Variants in UPP2 observed in about 807,000 individuals in gnomAD.
UPP2 encodes the protein UPase 2.
In UPP2, 23 loss-of-function variants were observed where a neutral mutation model predicts 26.7. That is an observed-to-expected ratio of 0.86 (90% CI 0.62 to 1.22). The LOEUF (loss-of-function observed/expected upper bound fraction) is 1.22. UPP2 is among the 50% of genes most tolerant of loss of function. The pLI is 0.00. For synonymous variants in UPP2, 127 were observed against 141.3 expected (o/e 0.90, Z 0.72); for missense variants, 387 against 396.7 (o/e 0.98, Z 0.21).
chr2:158,103,485 T>C (rs1166270482), intron 1 of UPP2, among the ~76,000 whole-genome samples: 2 of 152,148 alleles, frequency 1.3e-5, no homozygotes. Context: ...GGATAAGTAC[T>C]CTTTAAAGTG....
chr2:158,057,059 A>G (rs188207365), intron 3 of UPP2, among the ~76,000 whole-genome samples: 1 of 152,108 alleles, frequency 6.6e-6, no homozygotes, highest in African/African-American at 2.4e-5. Flanking sequence ...TTATGATAAC[A>G]CTAGGGTTAT....
chr2:158,133,859 A>T (rs1199696536), intron 6 of UPP2: 1 of 152,208 alleles, frequency 6.6e-6, no homozygotes, highest in African/African-American at 2.4e-5. Flanking sequence ...AATGATGCAG[A>T]TTCAGATGGA....
At chr2:158,012,448 A>C (rs537131574) in intron 2 of UPP2, among the ~76,000 whole-genome samples, 33 of 151,818 alleles carry the variant, frequency 2.2e-4, no homozygotes, top group African/African-American at 8.0e-4. Context: ...TTGTATTTTT[A>C]GTAGAGACGG....
chr2:158,021,587 A>T (rs16842434), intron 3 of UPP2, among the ~76,000 whole-genome samples: 5,466 of 152,298 alleles, frequency 0.036, 330 homozygotes, highest in African/African-American at 0.12. Flanking sequence ...CCTTCCTTTG[A>T]GATTTTAATT....
At chr2:158,094,496 C>T (rs1465256315) in intron 3 of UPP2, among the ~76,000 whole-genome samples, 1 of 152,088 alleles carries the variant, frequency 6.6e-6, no homozygotes, top group African/African-American at 2.4e-5. Flanking sequence ...TCATGACATG[C>T]CTAAGGTGAA....
chr2:158,046,563 T>C (rs1008748391), intron 3 of UPP2, among the ~76,000 whole-genome samples: 1 of 152,130 alleles, frequency 6.6e-6, no homozygotes, highest in African/African-American at 2.4e-5. Flanking sequence ...CATCTAAAGG[T>C]AGATAAATTA....
At chr2:158,117,211 T>A (rs763390757) in intron 3 of UPP2, among the ~76,000 whole-genome samples, 1 of 151,848 alleles carries the variant, frequency 6.6e-6, no homozygotes, top group African/African-American at 2.4e-5. Flanking sequence ...TCTGGTGACA[T>A]TGATTCCACT....
intron 2 of UPP2, among the ~76,000 whole-genome samples, chr2:158,111,112 GT>G (rs755026546): frequency 6.6e-6 from 1 of 152,162 alleles, no homozygotes; most frequent in Non-Finnish European, 1.5e-5. Flanking sequence ...TATTGCCTAG[GT>G]TTTCTTCTAG....
At chr2:158,046,533 C>G (rs554351821) in intron 3 of UPP2, among the ~76,000 whole-genome samples, 2 of 152,250 alleles carry the variant, frequency 1.3e-5, no homozygotes, top group African/African-American at 4.8e-5. Context: ...GAGCTACACA[C>G]AAAAGAACTT....
intron 2 of UPP2, among the ~76,000 whole-genome samples, chr2:158,005,564 T>G (rs1182093568): frequency 6.6e-6 from 1 of 152,220 alleles, no homozygotes; most frequent in African/African-American, 2.4e-5. Flanking sequence ...TAAGGCTCTT[T>G]GGAGGCAGAA....
At chr2:158,090,747 T>G (rs907889704) in intron 3 of UPP2, among the ~76,000 whole-genome samples, 1 of 152,166 alleles carries the variant, frequency 6.6e-6, no homozygotes, top group Non-Finnish European at 1.5e-5. Flanking sequence ...GGGTTAGCTT[T>G]AAGGAATAAA....
At chr2:158,055,927 T>C (rs1682238943) in intron 3 of UPP2, among the ~76,000 whole-genome samples, 1 of 152,146 alleles carries the variant, frequency 6.6e-6, no homozygotes, top group African/African-American at 2.4e-5. Flanking sequence ...TTACCCTACA[T>C]CCCTGGCACA....
At chr2:158,036,978 G>A (rs1244300938) in intron 3 of UPP2, among the ~76,000 whole-genome samples, 3 of 152,112 alleles carry the variant, frequency 2.0e-5, no homozygotes, top group African/African-American at 7.2e-5. Flanking sequence ...GTATGGGGCT[G>A]GGAAAGTTTC....
intron 2 of UPP2, among the ~76,000 whole-genome samples, chr2:158,112,168 A>G (rs1478421059): frequency 6.6e-6 from 1 of 152,160 alleles, no homozygotes; most frequent in Non-Finnish European, 1.5e-5. Flanking sequence ...TACAAAGGAG[A>G]AAAAAGTTGG....
chr2:158,033,546 T>C (rs1004484850), intron 3 of UPP2, among the ~76,000 whole-genome samples: 1 of 152,170 alleles, frequency 6.6e-6, no homozygotes, highest in African/African-American at 2.4e-5. Flanking sequence ...ACTCCTCCTC[T>C]TTCCTGGGAA....
chr2:158,104,498 C>T (rs534665584), intron 1 of UPP2, among the ~76,000 whole-genome samples: 1 of 152,106 alleles, frequency 6.6e-6, no homozygotes, highest in Admixed American at 6.5e-5. Context: ...GCCTGGTCAC[C>T]AGTGTTTTTT....
chr2:158,040,511 T>A (rs879587009), intron 3 of UPP2, among the ~76,000 whole-genome samples: 1 of 152,252 alleles, frequency 6.6e-6, no homozygotes, highest in African/African-American at 2.4e-5. Flanking sequence ...GCTATTTTTA[T>A]CTTACCTATG....
chr2:158,011,858 G>C (rs750640404), intron 2 of UPP2, among the ~76,000 whole-genome samples: 2 of 152,188 alleles, frequency 1.3e-5, no homozygotes, highest in Non-Finnish European at 2.9e-5. Flanking sequence ...AGGTGTAAAT[G>C]GTAGTGGGGT....
At chr2:158,040,102 G>A (rs995184658) in intron 3 of UPP2, among the ~76,000 whole-genome samples, 1 of 152,220 alleles carries the variant, frequency 6.6e-6, no homozygotes, top group East Asian at 1.9e-4. Flanking sequence ...AGGCCATTAT[G>A]AATGGATTAA....
Sources: allele counts gnomAD v4.1 joint callset (sites outside exome capture counted in the v4.1 genomes callset), GRCh38; gene constraint gnomAD v4.1.1; transcripts MANE v1.5; gene names NCBI Gene and HGNC (gene_info 2026-07-23, HGNC 2026-07-21).